PRKCE: variants seen among roughly 807,000 people sequenced by gnomAD.
PRKCE encodes the protein protein kinase C epsilon type.
In PRKCE, 16 loss-of-function variants were observed where a neutral mutation model predicts 85.4. The observed-to-expected ratio is 0.19, with a 90% CI of 0.13 to 0.28. The LOEUF is 0.28. Among genes scored for constraint, PRKCE ranks in the 10% least tolerant of loss-of-function variants. The probability of loss-of-function intolerance (pLI) is 1.00; values close to 1 mark genes in which losing one functional copy is unlikely to be tolerated. For synonymous variants in PRKCE, 388 were observed against 371.5 expected (o/e 1.04, Z -0.51); for missense variants, 573 against 975.2 (o/e 0.59, Z 5.49).
At chr2:45,785,399 G>T (rs1044127944) in intron 1 of PRKCE, among the ~76,000 whole-genome samples, 3 of 152,046 alleles carry the variant, frequency 2.0e-5, no homozygotes, top group African/African-American at 2.4e-5. Flanking sequence ...GCTGAGGCAG[G>T]AGAATTGCTT....
At chr2:46,135,746 C>CT (rs11417233) in intron 11 of PRKCE, among the ~76,000 whole-genome samples, 624 of 20,646 alleles carry the variant, frequency 0.03, 161 homozygotes, top group Non-Finnish European at 0.035. Context: ...ACAAATTATG[C>CT]TTTTTTTTTT....
intron 1 of PRKCE, among the ~76,000 whole-genome samples, chr2:45,795,238 A>T (rs928708874): frequency 1.3e-5 from 2 of 151,960 alleles, no homozygotes; most frequent in African/African-American, 4.8e-5. Flanking sequence ...CCCTGCCCTC[A>T]ACTCTCCCAC....
chr2:45,707,075 G>A (rs1487343874), intron 1 of PRKCE, among the ~76,000 whole-genome samples: 1 of 152,224 alleles, frequency 6.6e-6, no homozygotes, highest in African/African-American at 2.4e-5. Context: ...TTTTATGACT[G>A]TTATATTCCT....
intron 1 of PRKCE, among the ~76,000 whole-genome samples, chr2:45,749,310 T>C (rs1248861830): frequency 6.6e-6 from 1 of 152,222 alleles, no homozygotes; most frequent in African/African-American, 2.4e-5. Context: ...GAATAAATGC[T>C]ATAAGCAAAT....
intron 1 of PRKCE, among the ~76,000 whole-genome samples, chr2:45,725,820 A>T (rs1188011479): frequency 6.8e-6 from 1 of 146,774 alleles, no homozygotes; most frequent in African/African-American, 2.5e-5. Context: ...ACAGAGTGAG[A>T]CTCCATCTCA....
intron 6 of PRKCE, among the ~76,000 whole-genome samples, chr2:45,993,125 G>A (rs1221454296): frequency 6.6e-6 from 1 of 150,912 alleles, no homozygotes; most frequent in Non-Finnish European, 1.5e-5. Flanking sequence ...ACGGCCTTTG[G>A]CCTTGGTGCT....
rs572845249 is a variant in PRKCE, at chr2:45,728,675, C to T, written c.348+76227C>T. On this transcript the variant is annotated intron_variant, in intron 1 of 14. Coordinates refer to ENST00000306156, the MANE Select transcript of PRKCE (RefSeq NM_005400.3). ...GGGGAACTGAAAGCCCCCAGGTTGC[C>T]TGACTGTAAGTTGAGGTCTGTCTTC... Among the ~76,000 whole-genome samples, 17 of 152,338 alleles carry T rather than the reference C, an allele frequency of 1.1e-4. No homozygotes were observed. The South Asian group carries it at 3.3e-3, about 30-fold the overall frequency.
At chr2:46,025,310 C>G (rs931867911) in intron 10 of PRKCE, among the ~76,000 whole-genome samples, 4 of 152,164 alleles carry the variant, frequency 2.6e-5, no homozygotes, top group African/African-American at 9.7e-5. Flanking sequence ...AACACACACC[C>G]CCAGCCAGGG....
rs78919035 is a variant in PRKCE, at chr2:45,919,906, G to C, written c.413-56523G>C. ...CGAACACTAGTGCCAGTGTTCACTAGGTGTGGAAAAGGGTGCGTGAGTGGG... is the reference window on the plus strand; with the variant it reads ...CGAACACTAGTGCCAGTGTTCACTACGTGTGGAAAAGGGTGCGTGAGTGGG... On this transcript the variant is annotated intron_variant, in intron 2 of 14. Coordinates refer to ENST00000306156, the MANE Select transcript of PRKCE (RefSeq NM_005400.3). Among the ~76,000 whole-genome samples, 1,259 of 152,352 alleles carry C rather than the reference G, an allele frequency of 8.3e-3. 10 individuals carry two copies. Among genetic ancestry groups the C allele is most frequent in the Non-Finnish European group, 0.011 (747 of 68,036 alleles).
At position 46,185,032 on chromosome 2, in the gene PRKCE, A is replaced by G; in HGVS notation, c.*151A>G. 2 of 1,083,420 alleles carry G rather than the reference A, an allele frequency of 1.8e-6. No individual in the cohort carries two copies. Among genetic ancestry groups the G allele is most frequent in the African/African-American group, 3.2e-5 (2 of 63,180 alleles). The allele number at this position is 1,083,420 out of a possible 1,614,324, so 67.1% of individuals were successfully genotyped here. On this transcript the variant is annotated 3_prime_UTR_variant, in exon 15 of 15. Coordinates refer to ENST00000306156, the MANE Select transcript of PRKCE (RefSeq NM_005400.3). The surrounding 1 kb of genome is among the most constrained non-coding windows in gnomAD (Gnocchi z 4.7). ...TCTATTTATTGCATTCCCTTGCCCC[A>G]GGCCACCTCCTCCCCCTCCCACCTG... is the stretch of plus-strand genomic sequence containing the variant.
At chr2:45,749,525 C>A (rs750269029) in intron 1 of PRKCE, among the ~76,000 whole-genome samples, 47 of 152,296 alleles carry the variant, frequency 3.1e-4, no homozygotes, top group Admixed American at 8.5e-4. Context: ...TGTAAGAGGG[C>A]TTCACCAGCC....
chr2:45,998,813 C>T lies in PRKCE; in HGVS notation c.824-2591C>T, dbSNP rs1411809602. On this transcript the variant is annotated intron_variant, in intron 6 of 14. Coordinates refer to ENST00000306156, the MANE Select transcript of PRKCE (RefSeq NM_005400.3). ...CATTTAATATGTTCGTATTGTTTCTCTCCTTTCTTAGCGTATCATTTATAC... is the reference window on the plus strand; with the variant it reads ...CATTTAATATGTTCGTATTGTTTCTTTCCTTTCTTAGCGTATCATTTATAC... 2.0e-5 allele frequency among the ~76,000 whole-genome samples: 3 copies of T among 152,068 alleles called. No homozygotes were observed. In the East Asian group the frequency reaches 5.8e-4, roughly 29 times the overall value.
rs143547506 is a variant in PRKCE at position 45,997,197 on chromosome 2, T to TTC, written c.824-4192_824-4191dup. Among the ~76,000 whole-genome samples the TTC allele has an allele frequency of 2.6e-4, 40 of 151,082 alleles. 1 individual carries two copies. The South Asian group carries it at 6.7e-3, about 25-fold the overall frequency. ...GATATTAATAATTTGTGTCTTCTCT[T>TTC]TCTCTCTCTCTCTCTCACTAGCCTT... On this transcript the variant is annotated intron_variant, in intron 6 of 14. Coordinates refer to ENST00000306156, the MANE Select transcript of PRKCE (RefSeq NM_005400.3).
chr2:45,681,635 T>C (rs1676910773), intron 1 of PRKCE, among the ~76,000 whole-genome samples: 1 of 152,228 alleles, frequency 6.6e-6, no homozygotes. Context: ...CTGGCTCTGC[T>C]GATTATCTCT....
At position 46,121,167 on chromosome 2, in the gene PRKCE, C is replaced by A. The variant is rs535055529; in HGVS notation, c.1593-23926C>A. On this transcript the variant is annotated intron_variant, in intron 11 of 14. Transcript: ENST00000306156. ...CTTTACCATCACAGCTCCATCTAAC[C>A]AGAGTATCTTCACCCACCCTTTCAG... Among the ~76,000 whole-genome samples the A allele has an allele frequency of 8.5e-3, 1,289 of 152,326 alleles. 12 individuals are homozygous for A. Among genetic ancestry groups the A allele is most frequent in the African/African-American group, 0.029 (1,206 of 41,568 alleles).
chr2:45,779,136 C>T (rs1464972194), intron 1 of PRKCE, among the ~76,000 whole-genome samples: 1 of 152,124 alleles, frequency 6.6e-6, no homozygotes, highest in Non-Finnish European at 1.5e-5. Context: ...TTACTGAGCA[C>T]CTAACGTGCC....
chr2:45,954,498 A>C (rs1000375868), intron 2 of PRKCE, among the ~76,000 whole-genome samples: 23 of 152,260 alleles, frequency 1.5e-4, no homozygotes, highest in African/African-American at 5.3e-4. Flanking sequence ...ACTGTTCTGC[A>C]GGATTAAAAG....
intron 1 of PRKCE, among the ~76,000 whole-genome samples, chr2:45,808,911 G>T (rs1376180919): frequency 3.9e-5 from 6 of 152,070 alleles, no homozygotes; most frequent in Non-Finnish European, 5.9e-5. Flanking sequence ...CTATAGTTTG[G>T]GGGGTCTCCT....
chr2:45,734,226 G>A (rs775818697), intron 1 of PRKCE, among the ~76,000 whole-genome samples: 16 of 152,114 alleles, frequency 1.1e-4, no homozygotes, highest in Admixed American at 2.6e-4. Context: ...TTAGCTGGGC[G>A]TTGTGGCGTG....
Sources: allele counts gnomAD v4.1 joint callset (sites outside exome capture counted in the v4.1 genomes callset), GRCh38; gene constraint gnomAD v4.1.1; non-coding constraint Gnocchi (gnomAD v3.1); transcripts MANE v1.5; gene names NCBI Gene and HGNC (gene_info 2026-07-23, HGNC 2026-07-21).